Variants in SMIM31 observed in about 807,000 individuals in gnomAD.
The protein encoded by SMIM31 is human epithelial cell program regulator.
intron 1 of SMIM31, among the ~76,000 whole-genome samples, chr4:164,759,043 C>A (rs930947159): frequency 1.3e-5 from 2 of 151,644 alleles, no homozygotes; most frequent in Admixed American, 6.6e-5. Context: ...GTTAAGCCGA[C>A]CCTGGGATAA....
rs1732794638 is a variant in SMIM31 at position 164,771,019 on chromosome 4, G to A, written c.112+464G>A. Among the ~76,000 whole-genome samples, 3 of 152,250 alleles carry A rather than the reference G, an allele frequency of 2.0e-5. No homozygotes were observed. In the South Asian group the frequency reaches 6.2e-4, roughly 32 times the overall value. On this transcript the variant is annotated intron_variant, in intron 2 of 2. Coordinates refer to ENST00000507311, the MANE Select transcript of SMIM31 (RefSeq NM_001352885.1). The stretch of plus-strand genomic sequence containing the variant: ...TTTATATTTATTTGTGTATATGTGT[G>A]TGTAAATATACAATTAGGAAATTAT...
intron 2 of SMIM31, among the ~76,000 whole-genome samples, chr4:164,771,592 G>A (rs1732803030): frequency 6.6e-6 from 1 of 151,426 alleles, no homozygotes. Flanking sequence ...ACGAGGTCAG[G>A]AGATCAAGAC....
chr4:164,793,874 G>A (rs766383168), intron 2 of SMIM31, among the ~76,000 whole-genome samples: 3 of 152,114 alleles, frequency 2.0e-5, no homozygotes, highest in Non-Finnish European at 4.4e-5. Context: ...AGATCTAAAC[G>A]TAAGACTCAA....
chr4:164,800,273 T>C (rs1035933785), intron 2 of SMIM31, among the ~76,000 whole-genome samples: 2 of 151,964 alleles, frequency 1.3e-5, no homozygotes, highest in Non-Finnish European at 2.9e-5. Context: ...ACAGTGGTGC[T>C]ATCTCAGCTC....
Position 164,780,815 on chromosome 4 carries a change from T to G in SMIM31, c.112+10260T>G, listed in dbSNP as rs76726144. Among the ~76,000 whole-genome samples, 290 of 152,276 alleles carry G rather than the reference T, an allele frequency of 1.9e-3. 2 individuals are homozygous for G. The highest frequency in any genetic ancestry group is 6.7e-3 in the African/African-American group (277 of 41,544). On this transcript the variant is annotated intron_variant, in intron 2 of 2. Transcript: ENST00000507311. ...TAAATATATATACTACTTTTTTTAA[T>G]TTTTATTTTTCTTAAAGACAGTGAC...
chr4:164,780,645 A>G (rs541435439), intron 2 of SMIM31, among the ~76,000 whole-genome samples: 8 of 152,370 alleles, frequency 5.3e-5, no homozygotes, highest in African/African-American at 1.9e-4. Flanking sequence ...AACTGTGTGT[A>G]TTATCAAACA....
At chr4:164,760,738 TAAAA>T (rs60710008) in intron 1 of SMIM31, among the ~76,000 whole-genome samples, 32 of 86,234 alleles carry the variant, frequency 3.7e-4, no homozygotes, top group African/African-American at 7.7e-4. Flanking sequence ...AGACTCCACC[TAAAA>T]AAAAAAAAAA....
intron 2 of SMIM31, among the ~76,000 whole-genome samples, chr4:164,785,863 T>C (rs1342762688): frequency 6.6e-6 from 1 of 152,136 alleles, no homozygotes; most frequent in Non-Finnish European, 1.5e-5. Flanking sequence ...TCATTTGGAA[T>C]AGGTTATTAA....
At chr4:164,785,910 C>T (rs1003034456) in intron 2 of SMIM31, among the ~76,000 whole-genome samples, 15 of 152,066 alleles carry the variant, frequency 9.9e-5, no homozygotes, top group Non-Finnish European at 1.9e-4. Flanking sequence ...CCTCGGAGCT[C>T]CCTAAATCCC....
At chr4:164,780,352 G>A (rs1050801686) in intron 2 of SMIM31, among the ~76,000 whole-genome samples, 3 of 152,170 alleles carry the variant, frequency 2.0e-5, no homozygotes, top group Admixed American at 1.3e-4. Flanking sequence ...GCTTGAACTC[G>A]GGAGGTGGAG....
intron 2 of SMIM31, among the ~76,000 whole-genome samples, chr4:164,784,828 C>T (rs191531606): frequency 2.2e-3 from 330 of 151,718 alleles, no homozygotes; most frequent in South Asian, 4.2e-3. Flanking sequence ...AAATTAGTAG[C>T]CATACACAAA....
At chr4:164,798,027 C>T (rs1039181093) in intron 2 of SMIM31, among the ~76,000 whole-genome samples, 15 of 152,078 alleles carry the variant, frequency 9.9e-5, no homozygotes, top group Admixed American at 3.3e-4. Flanking sequence ...AGGATAATGG[C>T]CTCCAGTTCC....
Position 164,780,366 on chromosome 4 carries a change from G to T in SMIM31, c.112+9811G>T, listed in dbSNP as rs537224617. On this transcript the variant is annotated intron_variant, in intron 2 of 2. Transcript: ENST00000507311. ...TGCTTGAACTCGGGAGGTGGAGGTT[G>T]CAGTGAGCCGAGATTGCGCCACTGC... Among the ~76,000 whole-genome samples, 7 of 152,338 alleles carry T rather than the reference G, an allele frequency of 4.6e-5. No individual in the cohort carries two copies. The South Asian group carries it at 6.2e-4, about 14-fold the overall frequency.
intron 2 of SMIM31, among the ~76,000 whole-genome samples, chr4:164,782,923 A>G (rs1036082749): frequency 2.6e-5 from 4 of 152,138 alleles, no homozygotes; most frequent in Non-Finnish European, 4.4e-5. Context: ...TTTCTAAATA[A>G]AAATGGAATT....
intron 2 of SMIM31, among the ~76,000 whole-genome samples, chr4:164,773,852 GA>G (rs1270394527): frequency 2.6e-5 from 4 of 152,118 alleles, no homozygotes; most frequent in African/African-American, 9.7e-5. Context: ...TTCGTGATTA[GA>G]AATTTAGATA....
At position 164,774,975 on chromosome 4, in the gene SMIM31, G is replaced by C. The variant is rs1382877852; in HGVS notation, c.112+4420G>C. On this transcript the variant is annotated intron_variant, in intron 2 of 2. Coordinates refer to ENST00000507311, the MANE Select transcript of SMIM31 (RefSeq NM_001352885.1). ...CATCCAAGGAACTAGCTGGAGGCAT[G>C]CTCTTAAATCTACTTACTTGTAGGA... 1.4e-4 allele frequency among the ~76,000 whole-genome samples: 22 copies of C among 152,306 alleles called. 1 individual carries two copies. The highest frequency in any genetic ancestry group is 4.3e-4 in the African/African-American group (18 of 41,570).
chr4:164,786,576 A>T (rs4539996), intron 2 of SMIM31, among the ~76,000 whole-genome samples: 2 of 152,128 alleles, frequency 1.3e-5, no homozygotes, highest in South Asian at 4.1e-4. Flanking sequence ...CTAGAATTCT[A>T]GTGCTCTTTT....
intron 2 of SMIM31, among the ~76,000 whole-genome samples, chr4:164,783,399 C>T (rs1175288721): frequency 6.6e-6 from 1 of 150,986 alleles, no homozygotes; most frequent in Non-Finnish European, 1.5e-5. Flanking sequence ...TGGCAGGAGC[C>T]TCTAAACCCA....
intron 1 of SMIM31, among the ~76,000 whole-genome samples, chr4:164,768,244 A>AAAAAG (rs1033314764): frequency 1.5e-4 from 7 of 45,206 alleles, no homozygotes; most frequent in South Asian, 5.9e-4. Context: ...ACAAAAAAAA[A>AAAAAG]AAAAGAAAAG....
Sources: allele counts gnomAD v4.1 joint callset (sites outside exome capture counted in the v4.1 genomes callset), GRCh38; gene constraint gnomAD v4.1.1; transcripts MANE v1.5; gene names NCBI Gene and HGNC (gene_info 2026-07-23, HGNC 2026-07-21).